The following PCDH11X variants were observed in gnomAD, a reference collection of about 807,000 sequenced individuals.
The protein encoded by PCDH11X is protocadherin-11 X-linked.
PCDH11X carries 18 observed loss-of-function variants against 53.3 expected under a neutral mutation model. The observed-to-expected ratio is 0.34, with a 90% CI of 0.23 to 0.50. The LOEUF is 0.50. PCDH11X is among the 20% of genes least tolerant of loss of function. PCDH11X has a pLI of 0.98. For missense variants in PCDH11X, 570 were observed against 1,032.4 expected (o/e 0.55, Z 6.14); for synonymous variants, 279 against 393.3 (o/e 0.71, Z 3.44).
At chrX:92,447,225 T>C (rs1234543663) in intron 9 of PCDH11X, among the ~76,000 whole-genome samples, 3 of 111,687 alleles carry the variant, frequency 2.7e-5, no homozygotes, top group Non-Finnish European at 5.6e-5. Context: ...ATTGTAGAAA[T>C]TTGCATAACT....
chrX:92,260,428 C>T (rs1400361367), intron 7 of PCDH11X, among the ~76,000 whole-genome samples: 1 of 110,853 alleles, frequency 9.0e-6, no homozygotes, highest in Admixed American at 9.6e-5. Flanking sequence ...CCCCAGCACC[C>T]GGAGATGCTC....
At chrX:92,006,620 T>G (rs1262676448) in intron 6 of PCDH11X, among the ~76,000 whole-genome samples, 2 of 110,901 alleles carry the variant, frequency 1.8e-5, no homozygotes, top group Non-Finnish European at 3.8e-5. Flanking sequence ...CTAGTTCTTA[T>G]TGAGTTCATT....
At chrX:92,430,842 A>G (rs2072235915) in intron 9 of PCDH11X, among the ~76,000 whole-genome samples, 1 of 109,404 alleles carries the variant, frequency 9.1e-6, no homozygotes, top group African/African-American at 3.3e-5. Flanking sequence ...TCTGTTTGCA[A>G]CCATCTGTAA....
intron 9 of PCDH11X, among the ~76,000 whole-genome samples, chrX:92,401,030 A>G (rs1396743583): frequency 9.7e-6 from 1 of 102,691 alleles, no homozygotes; most frequent in Non-Finnish European, 2.0e-5. Flanking sequence ...TGATTATTTT[A>G]TTTGTTTCAA....
chrX:92,325,077 T>A (rs1164332935), intron 8 of PCDH11X, among the ~76,000 whole-genome samples: 1 of 111,851 alleles, frequency 8.9e-6, no homozygotes. Context: ...GGCACCTAAG[T>A]TGACTCTGTG....
chrX:92,556,621 G>T (rs1305278176), intron 10 of PCDH11X, among the ~76,000 whole-genome samples: 1 of 112,038 alleles, frequency 8.9e-6, no homozygotes, highest in East Asian at 2.8e-4. Context: ...GCTTTGTAGG[G>T]TACAGCCCTG....
chrX:92,583,651 G>C (rs35367904), intron 10 of PCDH11X, among the ~76,000 whole-genome samples: 6,686 of 47,716 alleles, frequency 0.14, 924 homozygotes, highest in African/African-American at 0.37. Flanking sequence ...TATTCTCATG[G>C]TAGTGAATAA....
At chrX:92,225,043 A>AT (rs2066944930) in intron 7 of PCDH11X, among the ~76,000 whole-genome samples, 1 of 110,752 alleles carries the variant, frequency 9.0e-6, no homozygotes, top group Non-Finnish European at 1.9e-5. Flanking sequence ...TTCTGTTGGT[A>AT]TTTTTTCTAT....
intron 10 of PCDH11X, among the ~76,000 whole-genome samples, chrX:92,582,273 GAAA>G (rs769991378): frequency 5.9e-4 from 49 of 82,444 alleles, no homozygotes; most frequent in Admixed American, 1.1e-3. Context: ...TAAAAGCCTA[GAAA>G]AAAAAAAAAA....
intron 6 of PCDH11X, among the ~76,000 whole-genome samples, chrX:91,886,709 T>C (rs192903512): frequency 0.018 from 2,017 of 109,816 alleles, 32 homozygotes; most frequent in South Asian, 0.07. Context: ...CGGTGGCTCA[T>C]GCCTGTATTC....
At chrX:91,994,436 A>G (rs2062376678) in intron 6 of PCDH11X, among the ~76,000 whole-genome samples, 1 of 108,493 alleles carries the variant, frequency 9.2e-6, no homozygotes, top group Admixed American at 9.9e-5. Flanking sequence ...TTCATTTAGT[A>G]TAATGTCCTC....
At chrX:91,902,703 G>A (rs1467225786) in intron 6 of PCDH11X, among the ~76,000 whole-genome samples, 3 of 108,563 alleles carry the variant, frequency 2.8e-5, no homozygotes, top group Non-Finnish European at 5.7e-5. Context: ...AGCTCTACTC[G>A]CTCTAAATTG....
intron 10 of PCDH11X, among the ~76,000 whole-genome samples, chrX:92,583,099 G>A (rs1294047526): frequency 1.3e-5 from 1 of 78,138 alleles, no homozygotes; most frequent in African/African-American, 6.4e-5. Context: ...ACTTTGGACT[G>A]TGGATTTTTT....
chrX:92,106,224 G>T (rs2064381457), intron 6 of PCDH11X, among the ~76,000 whole-genome samples: 1 of 102,390 alleles, frequency 9.8e-6, no homozygotes, highest in Non-Finnish European at 1.9e-5. Context: ...CACTAATTTT[G>T]ATGTTAACTT....
At chrX:92,527,463 A>G (rs1027885849) in intron 10 of PCDH11X, among the ~76,000 whole-genome samples, 1 of 111,104 alleles carries the variant, frequency 9.0e-6, no homozygotes, top group Non-Finnish European at 1.9e-5. Context: ...TATGATTTCA[A>G]TTCCCATGAA....
chrX:92,299,164 TA>T (rs1274965127), intron 8 of PCDH11X, among the ~76,000 whole-genome samples: 1 of 111,579 alleles, frequency 9.0e-6, no homozygotes, highest in Non-Finnish European at 1.9e-5. Context: ...TATTTAATCC[TA>T]AACAGGTCCT....
intron 8 of PCDH11X, among the ~76,000 whole-genome samples, chrX:92,319,597 T>G (rs1474681559): frequency 9.1e-6 from 1 of 110,479 alleles, no homozygotes; most frequent in African/African-American, 3.3e-5. Flanking sequence ...TAGGCTTAAG[T>G]GATCCTCCGC....
At chrX:91,851,857 G>T (rs900284396) in intron 5 of PCDH11X, among the ~76,000 whole-genome samples, 2 of 110,666 alleles carry the variant, frequency 1.8e-5, no homozygotes, top group Non-Finnish European at 3.8e-5. Flanking sequence ...GTAACAAATA[G>T]AAACTGGTTT....
chrX:92,298,616 G>T (rs2068657763), intron 8 of PCDH11X, among the ~76,000 whole-genome samples: 1 of 110,762 alleles, frequency 9.0e-6, no homozygotes, highest in African/African-American at 3.3e-5. Context: ...TTTTTTTGTT[G>T]TGTCTCTGCC....
Sources: gnomAD v4.1 joint callset for allele counts (sites outside exome capture counted in the v4.1 genomes callset) on GRCh38, gnomAD v4.1.1 for gene constraint, MANE v1.5 for transcripts, NCBI Gene and HGNC (gene_info 2026-07-23, HGNC 2026-07-21) for gene names.